Variants in PRR5 observed in about 807,000 individuals in gnomAD.
PRR5 encodes the protein proline-rich protein 5.
In PRR5, 25 loss-of-function variants were observed where a neutral mutation model predicts 30.6. The observed-to-expected ratio is 0.82, with a 90% CI of 0.60 to 1.14. The LOEUF is 1.14. Among genes scored for constraint, PRR5 ranks in the 50% most tolerant of loss-of-function variants. The probability of loss-of-function intolerance (pLI) is 0.00; values close to 1 mark genes in which losing one functional copy is unlikely to be tolerated. For missense variants in PRR5, 600 were observed against 547.1 expected, an observed-to-expected ratio of 1.10 and a Z score of -0.96; for synonymous variants, 286 against 247.1, an observed-to-expected ratio of 1.16 and a Z score of -1.48.
At chr22:44,726,682 GCTGGCTGCTGGA>G (rs745791402) in intron 4 of PRR5, 48 bp downstream of exon 4, 1 of 1,613,154 alleles carries the variant, frequency 6.2e-7, no homozygotes, top group Non-Finnish European at 8.5e-7. Context: ...CTGGGTCCTG[GCTGGCTGCTGGA>G]CTGCTGGGCC....
rs946589794 is a variant in PRR5, at chr22:44,732,395, G to A, written c.555+4G>A. 4 of 1,604,702 alleles carry A rather than the reference G, an allele frequency of 2.5e-6. No homozygotes were observed. Among genetic ancestry groups the A allele is most frequent in the Non-Finnish European group, 3.4e-6 (4 of 1,176,680 alleles). On this transcript the variant is annotated splice_donor_region_variant and intron_variant, in intron 6 of 7. Coordinates refer to ENST00000336985, the MANE Select transcript of PRR5 (RefSeq NM_181333.4). ...GCAGATGCTGCTGGTGCTGCAGGTG[G>A]GCACAGTGGGCAGAGGGTCGGGCAT...
At chr22:44,680,031 G>T in intron 1 of PRR5, 1 of 700,606 alleles carries the variant, frequency 1.4e-6, no homozygotes, top group Non-Finnish European at 2.4e-6. Context: ...GAGTGAGTGT[G>T]TTTGGTGGGG....
chr22:44,725,968 T>C (rs917932047), intron 3 of PRR5, among the ~76,000 whole-genome samples: 1 of 152,152 alleles, frequency 6.6e-6, no homozygotes, highest in Non-Finnish European at 1.5e-5. Flanking sequence ...CCCGACCAAT[T>C]CTGTACATTT....
intron 4 of PRR5, among the ~76,000 whole-genome samples, chr22:44,727,193 C>T (rs111858343): frequency 3.9e-5 from 6 of 152,170 alleles, no homozygotes; most frequent in African/African-American, 1.4e-4. Flanking sequence ...GTCTGCCTGA[C>T]TTTAGGGCAC....
chr22:44,679,122 C>T (rs1005357593), intron 1 of PRR5, among the ~76,000 whole-genome samples: 1 of 152,132 alleles, frequency 6.6e-6, no homozygotes, highest in Non-Finnish European at 1.5e-5. Flanking sequence ...TCCTAGGCCT[C>T]AGGAGATACG....
At chr22:44,712,227 G>A (rs1057284965) in intron 1 of PRR5, among the ~76,000 whole-genome samples, 3 of 152,278 alleles carry the variant, frequency 2.0e-5, no homozygotes, top group East Asian at 1.9e-4. Flanking sequence ...GGAGCATTCC[G>A]GTGCAGTCGG....
intron 3 of PRR5, among the ~76,000 whole-genome samples, chr22:44,725,674 G>A (rs1569103298): frequency 6.6e-6 from 1 of 151,654 alleles, no homozygotes; most frequent in African/African-American, 2.4e-5. Flanking sequence ...TGTTGTTGTT[G>A]TTGTTGTTGA....
At chr22:44,727,797 T>G (rs1921127167) in intron 4 of PRR5, among the ~76,000 whole-genome samples, 1 of 152,090 alleles carries the variant, frequency 6.6e-6, no homozygotes, top group Non-Finnish European at 1.5e-5. Flanking sequence ...TGGTCCTTCC[T>G]CACGTCCACT....
At chr22:44,707,108 T>G (rs1000603797) in intron 1 of PRR5, among the ~76,000 whole-genome samples, 7 of 152,064 alleles carry the variant, frequency 4.6e-5, no homozygotes, top group African/African-American at 1.2e-4. Context: ...CTTCCTTCCT[T>G]CCTCCCTCCT....
chr22:44,700,600 G>A (rs1385858909), upstream of PRR5, among the ~76,000 whole-genome samples: 1 of 152,060 alleles, frequency 6.6e-6, no homozygotes, highest in East Asian at 1.9e-4. Flanking sequence ...ATTCAACCTG[G>A]GCCAAAAAGT....
intron 7 of PRR5, among the ~76,000 whole-genome samples, chr22:44,736,139 C>T (rs999683665): frequency 6.6e-6 from 1 of 152,186 alleles, no homozygotes; most frequent in Non-Finnish European, 1.5e-5. Context: ...CAAGGGGCCT[C>T]CTCCCTGGGT....
At chr22:44,672,802 G>T (rs1923500986), upstream of PRR5, among the ~76,000 whole-genome samples, 2 of 152,188 alleles carry the variant, frequency 1.3e-5, no homozygotes, top group South Asian at 4.1e-4. Context: ...AGCCCACGAG[G>T]TGGGCGTGGC....
At chr22:44,679,762 C>G (rs1487775179) in intron 1 of PRR5, 2 of 1,530,662 alleles carry the variant, frequency 1.3e-6, no homozygotes, top group African/African-American at 1.4e-5. Flanking sequence ...CTGGGACACT[C>G]AGTCTGATGG....
chr22:44,705,105 CAA>C (rs1926974205), intron 1 of PRR5, among the ~76,000 whole-genome samples: 1 of 152,142 alleles, frequency 6.6e-6, no homozygotes, highest in South Asian at 2.1e-4. Flanking sequence ...GCTGCTGTAA[CAA>C]AGACCACAAA....
chr22:44,678,537 A>C (rs1601946693), intron 1 of PRR5, among the ~76,000 whole-genome samples: 2 of 150,512 alleles, frequency 1.3e-5, no homozygotes, highest in East Asian at 1.9e-4. Context: ...CTGGTCTCGA[A>C]CTCCCGACCT....
Position 44,731,745 on chromosome 22 carries a change from A to G in PRR5, c.338A>G (p.Asp113Gly). 6.2e-7 allele frequency: 1 copy of G among 1,613,688 alleles called. No homozygotes were observed. Among genetic ancestry groups the G allele is most frequent in the Non-Finnish European group, 8.5e-7 (1 of 1,179,988 alleles). ...IRFYEGQKLL[D>G]SLAETWDFFF... ...ATGCCCACAGGACAGAAGCTGCTGG[A>G]CTCACTGGCAGAGACCTGGGACTTC... is the stretch of plus-strand genomic sequence containing the variant. The change falls in exon 5 of 8, where the codon GAC becomes GGC. Residue 113 changes from aspartate (D) to glycine (G), a missense_variant. Physicochemically the swap from Asp to Gly is moderately conservative, Grantham distance 94. Coordinates refer to ENST00000336985, the MANE Select transcript of PRR5 (RefSeq NM_181333.4).
chr22:44,684,812 G>C (rs1041745153), intron 1 of PRR5, among the ~76,000 whole-genome samples: 7 of 152,254 alleles, frequency 4.6e-5, no homozygotes, highest in Non-Finnish European at 1.0e-4. Context: ...TGCTCCACTT[G>C]GCCGTGCTGG....
At chr22:44,702,049 C>A (rs1051301232), upstream of PRR5, 27 of 163,356 alleles carry the variant, frequency 1.7e-4, no homozygotes, top group Admixed American at 7.7e-4. Context: ...AGCGAGGCGT[C>A]GTGGCAGCTG....
intron 5 of PRR5, 87 bp from the exon 6 acceptor site, chr22:44,732,164 T>TC (rs1922121555): frequency 6.4e-7 from 1 of 1,564,266 alleles, no homozygotes; most frequent in African/African-American, 1.3e-5. Context: ...GCAGGTCTCT[T>TC]CCCCCTGTGG....
Sources: allele counts gnomAD v4.1 joint callset (sites outside exome capture counted in the v4.1 genomes callset), GRCh38; gene constraint gnomAD v4.1.1; transcripts MANE v1.5; gene names NCBI Gene and HGNC (gene_info 2026-07-23, HGNC 2026-07-21).